TAF3: variants seen among roughly 807,000 people sequenced by gnomAD.
The protein encoded by TAF3 is TATA-box binding protein associated factor 3, also known as transcription initiation factor TFIID subunit 3.
In TAF3, 7 loss-of-function variants were observed where a neutral mutation model predicts 80.6. The ratio of observed to expected loss-of-function variants is 0.09; its 90% CI spans 0.05 to 0.16. The LOEUF is 0.16. TAF3 is among the 10% of genes least tolerant of loss of function. The pLI is 1.00. For synonymous variants in TAF3, 444 were observed against 446.1 expected (o/e 1.00, Z 0.06); for missense variants, 921 against 1,140.2 (o/e 0.81, Z 2.77).
At chr10:7,930,750 T>C (rs1431460691) in intron 2 of TAF3, among the ~76,000 whole-genome samples, 1 of 152,188 alleles carries the variant, frequency 6.6e-6, no homozygotes, top group Non-Finnish European at 1.5e-5. Context: ...TCAGCAGTTC[T>C]ATAGATATAC....
intron 2 of TAF3, among the ~76,000 whole-genome samples, chr10:7,915,610 TC>T (rs1837704167): frequency 7.6e-6 from 1 of 131,606 alleles, no homozygotes; most frequent in Non-Finnish European, 1.5e-5. Flanking sequence ...GCCACTGCAC[TC>T]CAGCCTGGGC....
chr10:7,818,960 G>C (rs1836660451), intron 1 of TAF3, 85 bp downstream of exon 1: 4 of 1,280,540 alleles, frequency 3.1e-6, no homozygotes, highest in Non-Finnish European at 4.0e-6. Flanking sequence ...GCGTCCCCGG[G>C]GTGTGCATCC....
chr10:7,878,117 A>G (rs995552264), intron 2 of TAF3, among the ~76,000 whole-genome samples: 2 of 152,214 alleles, frequency 1.3e-5, no homozygotes, highest in African/African-American at 4.8e-5. Flanking sequence ...ATTCTAAAAC[A>G]TGATTTTTAA....
chr10:7,862,203 C>G (rs1837155071), intron 2 of TAF3, among the ~76,000 whole-genome samples: 2 of 152,104 alleles, frequency 1.3e-5, no homozygotes, highest in African/African-American at 4.8e-5. Flanking sequence ...GTAATAATAG[C>G]TTCTTGGGCT....
At chr10:7,989,551 C>T (rs762227873) in intron 4 of TAF3, among the ~76,000 whole-genome samples, 17 of 152,158 alleles carry the variant, frequency 1.1e-4, no homozygotes, top group Non-Finnish European at 2.1e-4. Context: ...ATTGCGTAGT[C>T]AAATGTAATA....
At chr10:7,854,068 A>G (rs981505776) in intron 2 of TAF3, among the ~76,000 whole-genome samples, 2 of 152,232 alleles carry the variant, frequency 1.3e-5, no homozygotes, top group Non-Finnish European at 2.9e-5. Flanking sequence ...GTTGTTAAAC[A>G]TTTACCAGCA....
chr10:7,876,853 T>G (rs1440868795), intron 2 of TAF3, among the ~76,000 whole-genome samples: 1 of 152,200 alleles, frequency 6.6e-6, no homozygotes, highest in Non-Finnish European at 1.5e-5. Flanking sequence ...AAGTGCATGA[T>G]TCTTCCTCCA....
chr10:7,980,776 T>C (rs1166483289), intron 4 of TAF3, among the ~76,000 whole-genome samples: 1 of 152,014 alleles, frequency 6.6e-6, no homozygotes, highest in Non-Finnish European at 1.5e-5. Flanking sequence ...GATCCTGAGG[T>C]CCCACTTGGA....
At chr10:7,873,165 T>C (rs996862420) in intron 2 of TAF3, among the ~76,000 whole-genome samples, 10 of 152,178 alleles carry the variant, frequency 6.6e-5, no homozygotes, top group African/African-American at 2.2e-4. Context: ...GAATCTGGAA[T>C]CTTAGGGTTT....
chr10:7,976,545 G>A (rs1564375674), intron 3 of TAF3, among the ~76,000 whole-genome samples: 1 of 151,876 alleles, frequency 6.6e-6, no homozygotes, highest in African/African-American at 2.4e-5. Context: ...CTCCTGAGTA[G>A]CTGGGACTAC....
intron 2 of TAF3, among the ~76,000 whole-genome samples, chr10:7,899,077 G>C (rs1837534840): frequency 6.6e-6 from 1 of 152,146 alleles, no homozygotes; most frequent in East Asian, 1.9e-4. Context: ...CTTGTAACCG[G>C]CTGCTAGCAT....
chr10:7,946,611 T>A (rs1452537453), intron 2 of TAF3, among the ~76,000 whole-genome samples: 2 of 152,110 alleles, frequency 1.3e-5, no homozygotes, highest in Non-Finnish European at 2.9e-5. Context: ...TGGTCCCAGC[T>A]ACTTGGAATG....
chr10:7,901,316 C>G (rs1427768106), intron 2 of TAF3, among the ~76,000 whole-genome samples: 3 of 152,170 alleles, frequency 2.0e-5, no homozygotes, highest in Non-Finnish European at 4.4e-5. Flanking sequence ...AGTAAAGGGT[C>G]TTTCTCAAAT....
intron 4 of TAF3, among the ~76,000 whole-genome samples, chr10:7,979,658 C>T (rs1293374531): frequency 6.6e-6 from 1 of 151,930 alleles, no homozygotes; most frequent in Non-Finnish European, 1.5e-5. Flanking sequence ...TGACCAAAGG[C>T]AGATGCAAGA....
chr10:7,841,455 A>C (rs1307414744), intron 2 of TAF3, among the ~76,000 whole-genome samples: 1 of 152,246 alleles, frequency 6.6e-6, no homozygotes, highest in Non-Finnish European at 1.5e-5. Context: ...AAAGGAAAAC[A>C]GAGTGCTCCA....
chr10:7,874,893 C>T (rs1837300473), intron 2 of TAF3, among the ~76,000 whole-genome samples: 1 of 151,824 alleles, frequency 6.6e-6, no homozygotes, highest in Non-Finnish European at 1.5e-5. Flanking sequence ...GGTTTTTTTC[C>T]TTCTTCAGTA....
At chr10:7,871,684 T>A (rs960229311) in intron 2 of TAF3, among the ~76,000 whole-genome samples, 2 of 152,042 alleles carry the variant, frequency 1.3e-5, no homozygotes, top group Admixed American at 6.5e-5. Flanking sequence ...CCTCAGGTGA[T>A]CTGCCCACCT....
intron 2 of TAF3, among the ~76,000 whole-genome samples, chr10:7,962,470 G>T (rs1339671346): frequency 2.6e-5 from 4 of 152,158 alleles, no homozygotes; most frequent in Non-Finnish European, 4.4e-5. Context: ...GTAGAATAAA[G>T]ATTATGTTTC....
intron 2 of TAF3, among the ~76,000 whole-genome samples, chr10:7,879,291 C>T (rs751406227): frequency 6.9e-4 from 105 of 152,086 alleles, no homozygotes; most frequent in Non-Finnish European, 1.3e-3. Context: ...TTATTAATTA[C>T]AAACTTACCT....
Sources: allele counts gnomAD v4.1 joint callset (sites outside exome capture counted in the v4.1 genomes callset), GRCh38; gene constraint gnomAD v4.1.1; transcripts MANE v1.5; gene names NCBI Gene and HGNC (gene_info 2026-07-23, HGNC 2026-07-21).